Variants in GPHN observed in about 807,000 individuals in gnomAD.
The protein encoded by GPHN is gephyrin.
In GPHN, 17 loss-of-function variants were observed where a neutral mutation model predicts 95.5. That is an observed-to-expected ratio of 0.18 (90% CI 0.12 to 0.27). The LOEUF is 0.27. Among genes scored for constraint, GPHN ranks in the 10% least tolerant of loss-of-function variants. The pLI is 1.00. For synonymous variants in GPHN, 320 were observed against 322.5 expected (o/e 0.99, Z 0.08); for missense variants, 660 against 978.1 (o/e 0.67, Z 4.34).
chr14:67,145,304 A>G (rs1300404096), intron 18 of GPHN, among the ~76,000 whole-genome samples: 3 of 152,236 alleles, frequency 2.0e-5, no homozygotes, highest in Admixed American at 6.5e-5. Flanking sequence ...CTCATAGCAT[A>G]CATAGGCTTG....
the GPHN span, among the ~76,000 whole-genome samples, chr14:67,660,633 G>C: frequency 6.6e-6 from 1 of 152,182 alleles, no homozygotes; most frequent in African/African-American, 2.4e-5. Flanking sequence ...ATGTCAGAGA[G>C]AACAGGGGCC....
chr14:67,306,057 C>G, the GPHN span, among the ~76,000 whole-genome samples: 3 of 152,188 alleles, frequency 2.0e-5, no homozygotes, highest in Admixed American at 1.3e-4. Context: ...GCAACCTCCG[C>G]CTCCCAGAGT....
intron 2 of GPHN, among the ~76,000 whole-genome samples, chr14:66,696,660 C>G (rs2068117799): frequency 6.6e-6 from 1 of 152,210 alleles, no homozygotes; most frequent in South Asian, 2.1e-4. Context: ...CCAACCCATG[C>G]CAGCAAAAGT....
chr14:67,690,624 C>G, the GPHN span: 3 of 566,338 alleles, frequency 5.3e-6, no homozygotes, highest in Non-Finnish European at 6.3e-6. Context: ...CTTATATGAG[C>G]GAGATAGGTC....
chr14:67,042,168 T>A (rs2074740783), intron 10 of GPHN, among the ~76,000 whole-genome samples: 1 of 152,144 alleles, frequency 6.6e-6, no homozygotes, highest in South Asian at 2.1e-4. Flanking sequence ...GTAGGTTGCC[T>A]GTTCACTCTT....
At chr14:67,316,891 C>A in the GPHN span, 48 of 1,610,406 alleles carry the variant, frequency 3.0e-5, no homozygotes, top group South Asian at 3.8e-4. Context: ...AGATAAGGAG[C>A]CAGAAAAATC....
the GPHN span, among the ~76,000 whole-genome samples, chr14:67,653,921 G>C: frequency 5.9e-5 from 9 of 152,154 alleles, no homozygotes; most frequent in African/African-American, 2.2e-4. Context: ...TTTGGGATCT[G>C]GTTTTTTTCT....
At chr14:67,661,738 C>T in the GPHN span, among the ~76,000 whole-genome samples, 4 of 151,762 alleles carry the variant, frequency 2.6e-5, no homozygotes, top group Non-Finnish European at 5.9e-5. Context: ...CTCCCTATGT[C>T]GCCCAGGCTG....
At chr14:66,805,141 G>T (rs1056793825) in intron 3 of GPHN, among the ~76,000 whole-genome samples, 4 of 152,222 alleles carry the variant, frequency 2.6e-5, no homozygotes, top group African/African-American at 9.6e-5. Context: ...ATGGTGGACA[G>T]CAAGGAGGAG....
At chr14:67,538,130 A>G in the GPHN span, among the ~76,000 whole-genome samples, 2 of 152,156 alleles carry the variant, frequency 1.3e-5, no homozygotes, top group Admixed American at 6.5e-5. Context: ...AAAAAAATTG[A>G]GCTGAGTTTT....
chr14:66,958,367 G>A (rs138348421), intron 8 of GPHN, among the ~76,000 whole-genome samples: 45 of 152,042 alleles, frequency 3.0e-4, no homozygotes, highest in African/African-American at 6.0e-4. Flanking sequence ...ATTTATTTGC[G>A]TCTTTGGATC....
intron 8 of GPHN, among the ~76,000 whole-genome samples, chr14:66,945,086 ATGT>A (rs1225215151): frequency 6.6e-6 from 1 of 152,198 alleles, no homozygotes; most frequent in East Asian, 1.9e-4. Flanking sequence ...GGCGCCAAAA[ATGT>A]TGTAGAAAAA....
the GPHN span, among the ~76,000 whole-genome samples, chr14:67,639,269 G>T: frequency 6.6e-6 from 1 of 152,110 alleles, no homozygotes; most frequent in Non-Finnish European, 1.5e-5. Flanking sequence ...TTGGACTTGG[G>T]TAGTCCCAAA....
chr14:67,438,424 G>A, the GPHN span, among the ~76,000 whole-genome samples: 1 of 152,206 alleles, frequency 6.6e-6, no homozygotes, highest in Non-Finnish European at 1.5e-5. Flanking sequence ...GGGGTTAGAG[G>A]TAGGAGCTTT....
chr14:66,688,717 G>A (rs10148069), intron 2 of GPHN, among the ~76,000 whole-genome samples: 49,865 of 151,964 alleles, frequency 0.33, 12,006 homozygotes, highest in African/African-American at 0.66. Flanking sequence ...TGTTATGACT[G>A]GGACTTCCAG....
At chr14:66,593,087 G>A (rs1177179188) in intron 1 of GPHN, among the ~76,000 whole-genome samples, 1 of 152,110 alleles carries the variant, frequency 6.6e-6, no homozygotes, top group African/African-American at 2.4e-5. Context: ...TCATAAATGG[G>A]AGTCAAACAA....
At chr14:67,184,645 G>T (rs1361550324), downstream of GPHN, among the ~76,000 whole-genome samples, 1 of 152,146 alleles carries the variant, frequency 6.6e-6, no homozygotes, top group Non-Finnish European at 1.5e-5. Context: ...GAGTTTTATG[G>T]AGGAGTTGAG....
chr14:67,516,750 C>T, the GPHN span, among the ~76,000 whole-genome samples: 1 of 152,206 alleles, frequency 6.6e-6, no homozygotes, highest in South Asian at 2.1e-4. Context: ...AATTTCTAAG[C>T]CCATCCCCAT....
the GPHN span, chr14:67,600,208 C>T: frequency 1.3e-6 from 2 of 1,566,788 alleles, no homozygotes. Context: ...CTCCATGACG[C>T]CCCCACTCGG....
Sources: gnomAD v4.1 joint callset for allele counts (sites outside exome capture counted in the v4.1 genomes callset) on GRCh38, gnomAD v4.1.1 for gene constraint, MANE v1.5 for transcripts, NCBI Gene and HGNC (gene_info 2026-07-23, HGNC 2026-07-21) for gene names.